The following DOCK1 variants were observed in gnomAD, a reference collection of about 807,000 sequenced individuals.
DOCK1 encodes the protein dedicator of cytokinesis protein 1.
DOCK1 carries 138 observed loss-of-function variants against 262.7 expected under a neutral mutation model. The ratio of observed to expected loss-of-function variants is 0.53; its 90% CI spans 0.46 to 0.61. The LOEUF is 0.61. Among genes scored for constraint, DOCK1 ranks in the 20% least tolerant of loss-of-function variants. The pLI is 0.00. For synonymous variants in DOCK1, 866 were observed against 867.4 expected, an observed-to-expected ratio of 1.00 and a Z score of 0.03; for missense variants, 1,908 against 2,370.7, an observed-to-expected ratio of 0.80 and a Z score of 4.05.
chr10:127,440,780 G>A (rs1448491122), intron 49 of DOCK1, among the ~76,000 whole-genome samples: 1 of 152,220 alleles, frequency 6.6e-6, no homozygotes, highest in African/African-American at 2.4e-5. Context: ...AGCTGGGCTG[G>A]AGAATTCCCA....
At chr10:127,272,393 G>A (rs776141490) in intron 29 of DOCK1, among the ~76,000 whole-genome samples, 5 of 152,070 alleles carry the variant, frequency 3.3e-5, no homozygotes, top group Non-Finnish European at 7.4e-5. Flanking sequence ...GGCAGCTACC[G>A]GCTCCATGTC....
At chr10:126,906,347 G>T (rs1036590451) in intron 1 of DOCK1, among the ~76,000 whole-genome samples, 3 of 152,120 alleles carry the variant, frequency 2.0e-5, no homozygotes, top group African/African-American at 4.8e-5. Context: ...GGGCCCGTCC[G>T]CGTGGGACCC....
At chr10:127,345,356 ACACAGTG>A (rs1364319453) in intron 31 of DOCK1, among the ~76,000 whole-genome samples, 2 of 152,204 alleles carry the variant, frequency 1.3e-5, no homozygotes, top group East Asian at 3.9e-4. Flanking sequence ...GGAAGGTCAC[ACACAGTG>A]ACCGAGCCAC....
At chr10:127,129,150 C>T (rs1341558526) in intron 27 of DOCK1, among the ~76,000 whole-genome samples, 4 of 152,242 alleles carry the variant, frequency 2.6e-5, no homozygotes, top group Admixed American at 6.5e-5. Context: ...GTGTCGTGTG[C>T]GTCACAGACA....
At chr10:127,205,531 GC>G (rs1392279139) in intron 27 of DOCK1, among the ~76,000 whole-genome samples, 2 of 152,208 alleles carry the variant, frequency 1.3e-5, no homozygotes, top group Non-Finnish European at 2.9e-5. Context: ...ACTCTTGATG[GC>G]GTAAGTGGAT....
chr10:127,046,796 G>A lies in DOCK1; in HGVS notation c.2201+3632G>A, dbSNP rs536868174. Among the ~76,000 whole-genome samples, 567 of 146,380 alleles carry A rather than the reference G, an allele frequency of 3.9e-3. 1 individual carries two copies. The highest frequency in any genetic ancestry group is 0.014 in the Middle Eastern group (4 of 282). On this transcript the variant is annotated intron_variant, in intron 21 of 51. Coordinates refer to ENST00000623213, the MANE Select transcript of DOCK1 (RefSeq NM_001290223.2). ...AAAAAAAAAAGATTTTCATTGTGATGTATTGGTAAAATAGGTACTCTTAGC... is the reference window on the plus strand; with the variant it reads ...AAAAAAAAAAGATTTTCATTGTGATATATTGGTAAAATAGGTACTCTTAGC...
At position 127,176,549 on chromosome 10, in the gene DOCK1, C is replaced by T; in HGVS notation, c.2847+48785C>T. On this transcript the variant is annotated intron_variant, in intron 27 of 51. Coordinates refer to ENST00000623213, the MANE Select transcript of DOCK1 (RefSeq NM_001290223.2). This position sits in a 1 kb window ranked among gnomAD's most constrained non-coding sequence, Gnocchi z 4.4. ...TCGGCCTTTATGTTAAGGAAAATCA[C>T]ACGGGCTGAGAGTCGCTGGCAGCAC... 1.5e-6 allele frequency: 1 copy of T among 656,384 alleles called. No individual in the cohort carries two copies. The highest frequency in any genetic ancestry group is 2.6e-6 in the Non-Finnish European group (1 of 389,934). 40.7% of individuals were successfully genotyped at this position (656,384 alleles called of 1,614,324 possible).
At chr10:127,424,674 G>A (rs1300109688) in intron 46 of DOCK1, among the ~76,000 whole-genome samples, 3 of 152,190 alleles carry the variant, frequency 2.0e-5, no homozygotes, top group South Asian at 2.1e-4. Context: ...AGTAAACCGC[G>A]GCTAGCCCCG....
intron 23 of DOCK1, among the ~76,000 whole-genome samples, chr10:127,069,575 A>T (rs1217066336): frequency 6.6e-6 from 1 of 152,206 alleles, no homozygotes; most frequent in Non-Finnish European, 1.5e-5. Context: ...TGTCATGGGC[A>T]TGAGTCAGGA....
intron 1 of DOCK1, among the ~76,000 whole-genome samples, chr10:126,960,894 A>G (rs1357287485): frequency 1.3e-5 from 2 of 151,648 alleles, no homozygotes; most frequent in Admixed American, 6.6e-5. Flanking sequence ...GAAATAAGAT[A>G]GTTGCTGCTA....
intron 27 of DOCK1, among the ~76,000 whole-genome samples, chr10:127,193,176 TCCAAC>T (rs2056871016): frequency 6.6e-6 from 1 of 152,196 alleles, no homozygotes; most frequent in South Asian, 2.1e-4. Context: ...AATGTAGGTC[TCCAAC>T]CAGTGGAATC....
In DOCK1 at chr10:126,972,467, G is replaced by C. The variant is rs562444776; in HGVS notation, c.130+1682G>C. Among the ~76,000 whole-genome samples the C allele has an allele frequency of 1.0e-3, 154 of 152,232 alleles. 1 individual carries two copies. Among genetic ancestry groups the C allele is most frequent in the Admixed American group, 2.9e-3 (44 of 15,300 alleles). ...CTTATTGTTGTCGGCTTAATTTCCT[G>C]CTTGAAAGGGTGGTTCCCATATAGC... On this transcript the variant is annotated intron_variant, in intron 2 of 51. Coordinates refer to ENST00000623213, the MANE Select transcript of DOCK1 (RefSeq NM_001290223.2).
At chr10:126,953,133 TTGG>T (rs1403513585) in intron 1 of DOCK1, among the ~76,000 whole-genome samples, 1 of 151,658 alleles carries the variant, frequency 6.6e-6, no homozygotes, top group African/African-American at 2.4e-5. Flanking sequence ...GGTGGAAGTA[TTGG>T]TAGTAATTTT....
intron 29 of DOCK1, among the ~76,000 whole-genome samples, chr10:127,334,847 G>C (rs2063126792): frequency 6.6e-6 from 1 of 152,234 alleles, no homozygotes; most frequent in African/African-American, 2.4e-5. Flanking sequence ...TCACAAGGTG[G>C]TTGATCCCTT....
chr10:127,214,020 T>G (rs1202374965), intron 27 of DOCK1, among the ~76,000 whole-genome samples: 5 of 152,124 alleles, frequency 3.3e-5, no homozygotes, highest in African/African-American at 1.2e-4. Context: ...TTTTGTATTT[T>G]TTTTCTTTAG....
At chr10:126,970,851 G>A (rs2038052287) in intron 2 of DOCK1, 66 bp downstream of exon 2, 2 of 1,532,712 alleles carry the variant, frequency 1.3e-6, no homozygotes, top group Admixed American at 3.7e-5. Flanking sequence ...CTCAGTGCCT[G>A]CTGGGCAAAG....
At chr10:127,162,576 C>G (rs2053678733) in intron 27 of DOCK1, among the ~76,000 whole-genome samples, 1 of 152,210 alleles carries the variant, frequency 6.6e-6, no homozygotes, top group Non-Finnish European at 1.5e-5. Context: ...CAGAATCACA[C>G]ACATCCCATT....
chr10:127,417,618 C>T (rs2134455902), intron 44 of DOCK1, among the ~76,000 whole-genome samples: 1 of 152,248 alleles, frequency 6.6e-6, no homozygotes, highest in South Asian at 2.1e-4. Context: ...ACTCTGTTGC[C>T]CAGCCTGAAT....
chr10:127,307,365 T>G (rs2061912014), intron 29 of DOCK1, among the ~76,000 whole-genome samples: 1 of 152,200 alleles, frequency 6.6e-6, no homozygotes, highest in Non-Finnish European at 1.5e-5. Context: ...CCATCCCCTC[T>G]TCCCCGCCTG....
Sources: gnomAD v4.1 joint callset for allele counts (sites outside exome capture counted in the v4.1 genomes callset) on GRCh38, gnomAD v4.1.1 for gene constraint, Gnocchi (gnomAD v3.1) non-coding constraint, MANE v1.5 for transcripts, NCBI Gene and HGNC (gene_info 2026-07-23, HGNC 2026-07-21) for gene names.